DOCK1: variants seen among roughly 807,000 people sequenced by gnomAD.
DOCK1 encodes the protein dedicator of cytokinesis protein 1.
DOCK1 carries 138 observed loss-of-function variants against 262.7 expected under a neutral mutation model. That is an observed-to-expected ratio of 0.53 (90% CI 0.46 to 0.61). The LOEUF (loss-of-function observed/expected upper bound fraction) is 0.61, where lower values mean the gene tolerates loss of function less well. DOCK1 is among the 20% of genes least tolerant of loss of function. DOCK1 has a pLI of 0.00. For missense variants in DOCK1, 1,908 were observed against 2,370.7 expected (o/e 0.80, Z 4.05); for synonymous variants, 866 against 867.4 (o/e 1.00, Z 0.03).
chr10:127,088,907 A>G (rs967448552), intron 23 of DOCK1, among the ~76,000 whole-genome samples: 1 of 151,842 alleles, frequency 6.6e-6, no homozygotes, highest in Non-Finnish European at 1.5e-5. Flanking sequence ...CTTCCTGGTG[A>G]TACGGCCCCA....
At chr10:127,326,123 T>A (rs2062738630) in intron 29 of DOCK1, among the ~76,000 whole-genome samples, 1 of 152,226 alleles carries the variant, frequency 6.6e-6, no homozygotes, top group Non-Finnish European at 1.5e-5. Context: ...TGCGTCAATG[T>A]TGATGGCTGC....
intron 22 of DOCK1, among the ~76,000 whole-genome samples, chr10:127,059,451 C>T (rs1355420638): frequency 2.0e-5 from 3 of 152,128 alleles, no homozygotes; most frequent in African/African-American, 7.2e-5. Flanking sequence ...TAGATCTCCT[C>T]AATATGCCTG....
intron 38 of DOCK1, among the ~76,000 whole-genome samples, chr10:127,394,170 A>G (rs2066672489): frequency 6.6e-6 from 1 of 152,200 alleles, no homozygotes; most frequent in Non-Finnish European, 1.5e-5. Context: ...GACAGTCAGT[A>G]TTAGCCAACA....
At chr10:127,140,571 A>G (rs1266249839) in intron 27 of DOCK1, among the ~76,000 whole-genome samples, 1 of 150,398 alleles carries the variant, frequency 6.6e-6, no homozygotes, top group African/African-American at 2.4e-5. Context: ...TGTTCTGGAC[A>G]CTGCTTCCTG....
intron 12 of DOCK1, among the ~76,000 whole-genome samples, chr10:127,017,312 C>T (rs560858110): frequency 9.7e-5 from 14 of 144,620 alleles, no homozygotes; most frequent in South Asian, 4.7e-4. Context: ...GACACAGACA[C>T]GCACACAGAC....
At chr10:126,958,934 CG>C (rs1445688608) in intron 1 of DOCK1, among the ~76,000 whole-genome samples, 1 of 152,154 alleles carries the variant, frequency 6.6e-6, no homozygotes, top group Non-Finnish European at 1.5e-5. Flanking sequence ...CCCAGGCGGT[CG>C]GGGTGCAGCT....
At chr10:127,379,557 G>A (rs2065713982) in intron 35 of DOCK1, among the ~76,000 whole-genome samples, 1 of 152,190 alleles carries the variant, frequency 6.6e-6, no homozygotes, top group Non-Finnish European at 1.5e-5. Context: ...TTTATTCAAT[G>A]TTAGTTAAAT....
At chr10:127,014,212 G>T (rs1436693734) in intron 12 of DOCK1, among the ~76,000 whole-genome samples, 1 of 152,258 alleles carries the variant, frequency 6.6e-6, no homozygotes, top group Admixed American at 6.5e-5. Flanking sequence ...TGAACCCAGA[G>T]GTGTGGGACA....
At chr10:127,320,023 G>A (rs958597428) in intron 29 of DOCK1, among the ~76,000 whole-genome samples, 5 of 152,146 alleles carry the variant, frequency 3.3e-5, no homozygotes, top group African/African-American at 1.2e-4. Flanking sequence ...AATCTGCCTC[G>A]TGGGCTGTCG....
chr10:127,444,475 A>C (rs1282251019), intron 50 of DOCK1, among the ~76,000 whole-genome samples, 196 bp downstream of exon 50: 3 of 152,098 alleles, frequency 2.0e-5, no homozygotes, highest in African/African-American at 2.4e-5. Context: ...GCCAAAATCC[A>C]GAGCCCAGGT....
Position 127,444,217 on chromosome 10 carries a change from C to A in DOCK1, c.5351C>A (p.Ser1784Tyr). ...TTCTCGGTGTCCCCCTCGTCACCGTCCTCCCAGCAAACACCCCCTCCAGTT... is the reference window on the plus strand; with the variant it reads ...TTCTCGGTGTCCCCCTCGTCACCGTACTCCCAGCAAACACCCCCTCCAGTT... ...RRFSVSPSSP[S>Y]SQQTPPPVTP... The change falls in exon 50 of 52, where the codon TCC becomes TAC. Residue 1784 changes from serine to tyrosine, a missense_variant. Coordinates refer to ENST00000623213, the MANE Select transcript of DOCK1 (RefSeq NM_001290223.2). 6.2e-7 allele frequency: 1 copy of A among 1,611,860 alleles called. No homozygotes were observed. Among genetic ancestry groups the A allele is most frequent in the Non-Finnish European group, 8.5e-7 (1 of 1,179,382 alleles).
At chr10:127,107,371 G>A (rs2048594906) in intron 24 of DOCK1, among the ~76,000 whole-genome samples, 1 of 152,150 alleles carries the variant, frequency 6.6e-6, no homozygotes, top group African/African-American at 2.4e-5. Flanking sequence ...ATTGAAGGGC[G>A]AGGGGCTCTC....
At chr10:127,229,635 T>A (rs2058767475) in intron 27 of DOCK1, among the ~76,000 whole-genome samples, 1 of 152,218 alleles carries the variant, frequency 6.6e-6, no homozygotes, top group African/African-American at 2.4e-5. Flanking sequence ...CATCCATTGA[T>A]GCACGCTTAG....
intron 27 of DOCK1, among the ~76,000 whole-genome samples, chr10:127,170,631 C>A (rs116967899): frequency 1.3e-5 from 2 of 152,310 alleles, no homozygotes; most frequent in East Asian, 3.9e-4. Context: ...AATGAGCCAC[C>A]AAGACCTACA....
chr10:127,438,949 T>C, intron 48 of DOCK1, 78 bp from the exon 49 acceptor site: 1 of 1,384,046 alleles, frequency 7.2e-7, no homozygotes, highest in Non-Finnish European at 9.7e-7. Context: ...CTTCGATGGA[T>C]TGTGAGTGAC....
At chr10:127,254,291 C>T (rs1325716038) in intron 28 of DOCK1, among the ~76,000 whole-genome samples, 1 of 152,156 alleles carries the variant, frequency 6.6e-6, no homozygotes. Flanking sequence ...AGAGACCAAT[C>T]CATTAGCTTT....
chr10:127,053,917 A>G (rs1198417067), intron 22 of DOCK1, among the ~76,000 whole-genome samples: 2 of 152,326 alleles, frequency 1.3e-5, no homozygotes, highest in Non-Finnish European at 2.9e-5. Context: ...GTGACCTGCC[A>G]TGAGTGATGT....
At chr10:127,111,250 T>C (rs1679747319) in intron 25 of DOCK1, among the ~76,000 whole-genome samples, 1 of 152,170 alleles carries the variant, frequency 6.6e-6, no homozygotes, top group Non-Finnish European at 1.5e-5. Context: ...GGCTTAACCT[T>C]ATAAAATGCA....
chr10:127,329,971 A>G (rs2062906276), intron 29 of DOCK1, among the ~76,000 whole-genome samples: 1 of 152,150 alleles, frequency 6.6e-6, no homozygotes, highest in African/African-American at 2.4e-5. Flanking sequence ...AACACTTGCT[A>G]ACTCCACGTT....
Sources: gnomAD v4.1 joint callset for allele counts (sites outside exome capture counted in the v4.1 genomes callset) on GRCh38, gnomAD v4.1.1 for gene constraint, MANE v1.5 for transcripts, NCBI Gene and HGNC (gene_info 2026-07-23, HGNC 2026-07-21) for gene names.